Variants in ANO2 observed in about 807,000 individuals in gnomAD.
ANO2 encodes anoctamin 2.
ANO2 carries 101 observed loss-of-function variants against 124.2 expected under a neutral mutation model. That is an observed-to-expected ratio of 0.81 (90% CI 0.69 to 0.96). ANO2 has a LOEUF of 0.96. ANO2 is among the 40% of genes least tolerant of loss of function. ANO2 has a pLI of 0.00. For synonymous variants in ANO2, 486 were observed against 482.5 expected (o/e 1.01, Z -0.09); for missense variants, 1,293 against 1,274.5 (o/e 1.01, Z -0.22).
chr12:5,778,290 T>G (rs1952287777), intron 10 of ANO2, among the ~76,000 whole-genome samples: 1 of 152,224 alleles, frequency 6.6e-6, no homozygotes, highest in African/African-American at 2.4e-5. Flanking sequence ...AAATGAGTAT[T>G]ATAAAGCTAG....
intron 3 of ANO2, among the ~76,000 whole-genome samples, chr12:5,918,438 C>CTTTTTTT: frequency 8.4e-6 from 1 of 118,952 alleles, no homozygotes; most frequent in Non-Finnish European, 1.8e-5. Context: ...TAACTTGAAT[C>CTTTTTTT]TTTTTTTTTT....
At chr12:5,596,062 T>C (rs1943644072) in intron 20 of ANO2, among the ~76,000 whole-genome samples, 1 of 152,238 alleles carries the variant, frequency 6.6e-6, no homozygotes, top group Non-Finnish European at 1.5e-5. Flanking sequence ...TATGTGAATC[T>C]ATCTGGGTGA....
chr12:5,905,568 T>A (rs1359188677), intron 3 of ANO2, among the ~76,000 whole-genome samples: 1 of 152,044 alleles, frequency 6.6e-6, no homozygotes, highest in Non-Finnish European at 1.5e-5. Context: ...CTGGAAAAGA[T>A]CCCACCACCA....
intron 11 of ANO2, among the ~76,000 whole-genome samples, chr12:5,749,982 A>C (rs1196242524): frequency 6.6e-6 from 1 of 150,744 alleles, no homozygotes; most frequent in Non-Finnish European, 1.5e-5. Context: ...GCTAGAGTGC[A>C]GTGGCACAAT....
At chr12:5,894,650 C>T (rs1007486814) in intron 3 of ANO2, among the ~76,000 whole-genome samples, 1 of 152,138 alleles carries the variant, frequency 6.6e-6, no homozygotes, top group African/African-American at 2.4e-5. Flanking sequence ...TTTAGTCCAT[C>T]TTGAGTTAAT....
intron 14 of ANO2, among the ~76,000 whole-genome samples, chr12:5,687,941 G>C (rs1948772874): frequency 6.6e-6 from 1 of 152,156 alleles, no homozygotes; most frequent in Admixed American, 6.5e-5. Context: ...CCTTGACCTT[G>C]TGTTGAGATT....
At chr12:5,934,252 G>T (rs1295254558) in intron 1 of ANO2, among the ~76,000 whole-genome samples, 1 of 152,180 alleles carries the variant, frequency 6.6e-6, no homozygotes, top group Non-Finnish European at 1.5e-5. Context: ...AAGATCACCA[G>T]CACACTCAGT....
chr12:5,614,046 T>A (rs964629940), intron 17 of ANO2, among the ~76,000 whole-genome samples: 1 of 152,224 alleles, frequency 6.6e-6, no homozygotes, highest in Admixed American at 6.5e-5. Flanking sequence ...TGACAGCTCG[T>A]GCTATTAGTG....
intron 19 of ANO2, among the ~76,000 whole-genome samples, chr12:5,600,681 G>A (rs1943898509): frequency 6.6e-6 from 1 of 152,206 alleles, no homozygotes. Context: ...TGGAATTGCA[G>A]TTTTTGCAAT....
chr12:5,836,243 A>AC (rs1954313738), intron 4 of ANO2, among the ~76,000 whole-genome samples: 1 of 152,252 alleles, frequency 6.6e-6, no homozygotes, highest in South Asian at 2.1e-4. Context: ...ATGTCAAATT[A>AC]AATGTGAATT....
chr12:5,815,441 T>C (rs1016098949), intron 7 of ANO2, among the ~76,000 whole-genome samples: 1 of 152,210 alleles, frequency 6.6e-6, no homozygotes, highest in African/African-American at 2.4e-5. Context: ...TCCAGAAAAT[T>C]TGTCATACGC....
chr12:5,655,595 A>G (rs61908078), intron 14 of ANO2, among the ~76,000 whole-genome samples: 1 of 152,268 alleles, frequency 6.6e-6, no homozygotes, highest in Non-Finnish European at 1.5e-5. Flanking sequence ...CCAAAAAATA[A>G]GAGCCACCAT....
In ANO2 at chr12:5,921,299, A is replaced by G. The variant is rs1467082978; in HGVS notation, c.275T>C (p.Phe92Ser). 6.2e-7 allele frequency: 1 copy of G among 1,613,962 alleles called. No individual in the cohort carries two copies. ...SLEARLSRMHFHDSQRKVDYV... is the reference protein window; with the variant it reads ...SLEARLSRMHSHDSQRKVDYV... The stretch of plus-strand genomic sequence containing the variant: ...GTCGACCTTCCTCTGACTGTCATGG[A>G]AGTGCATGCGGCTAAGACGGGCCTC... The change falls in exon 3 of 25, where the codon TTC (phenylalanine) becomes TCC (serine). Residue 92 changes from phenylalanine (F) to serine (S), a missense_variant. Coordinates refer to ENST00000682330, the MANE Select transcript of ANO2 (RefSeq NM_001364791.2).
chr12:5,855,011 T>C (rs754601483), intron 3 of ANO2, among the ~76,000 whole-genome samples: 1 of 151,708 alleles, frequency 6.6e-6, no homozygotes, highest in Admixed American at 6.6e-5. Flanking sequence ...ATTTTGTCAC[T>C]AAAGAACTAA....
At chr12:5,711,484 C>A (rs1318953538) in intron 14 of ANO2, among the ~76,000 whole-genome samples, 1 of 152,182 alleles carries the variant, frequency 6.6e-6, no homozygotes, top group Non-Finnish European at 1.5e-5. Flanking sequence ...AATCTCTTTT[C>A]TTTATAAATT....
At chr12:5,623,719 C>T (rs1409567966) in intron 16 of ANO2, among the ~76,000 whole-genome samples, 1 of 152,220 alleles carries the variant, frequency 6.6e-6, no homozygotes, top group Non-Finnish European at 1.5e-5. Flanking sequence ...GACAGCCCAG[C>T]TGGCAAATGC....
rs567193497 is a variant in ANO2, at chr12:5,716,423, G to A, written c.1545+16097C>T. 2.6e-5 allele frequency among the ~76,000 whole-genome samples: 4 copies of A among 152,250 alleles called. No homozygotes were observed. The South Asian group carries it at 8.3e-4, about 32-fold the overall frequency. ...CACGCTGTTTCATGACTCACTACAG[G>A]CTGCTGGGTTGGTCACTTCCCTTAA... On this transcript the variant is annotated intron_variant, in intron 14 of 24. Transcript: ENST00000682330.
chr12:5,771,628 A>C (rs748093195), intron 10 of ANO2, among the ~76,000 whole-genome samples: 1 of 151,994 alleles, frequency 6.6e-6, no homozygotes, highest in Non-Finnish European at 1.5e-5. Context: ...AAAAATACAA[A>C]AATTAGCTGG....
intron 3 of ANO2, among the ~76,000 whole-genome samples, chr12:5,917,778 A>G (rs942541294): frequency 3.9e-5 from 6 of 152,048 alleles, no homozygotes; most frequent in African/African-American, 1.4e-4. Context: ...CGTGTTGGCC[A>G]GGCTGGTCTC....
Sources: allele counts gnomAD v4.1 joint callset (sites outside exome capture counted in the v4.1 genomes callset), GRCh38; gene constraint gnomAD v4.1.1; transcripts MANE v1.5; gene names NCBI Gene and HGNC (gene_info 2026-07-23, HGNC 2026-07-21).